Variants in ADAMTSL1 observed in about 807,000 individuals in gnomAD.
ADAMTSL1 encodes the protein ADAMTS like 1.
Under a neutral mutation model 201.8 loss-of-function variants are expected in ADAMTSL1, and 126 were observed. The observed-to-expected ratio is 0.62, with a 90% CI of 0.54 to 0.72. The LOEUF (loss-of-function observed/expected upper bound fraction) is 0.72, where lower values mean the gene tolerates loss of function less well. Ranked by LOEUF, ADAMTSL1 falls within the 30% of genes least tolerant of loss-of-function variation. ADAMTSL1 has a pLI of 0.00. For synonymous variants in ADAMTSL1, 1,121 were observed against 903.4 expected (o/e 1.24, Z -4.32); for missense variants, 2,679 against 2,277.8 (o/e 1.18, Z -3.59).
intron 1 of ADAMTSL1, among the ~76,000 whole-genome samples, chr9:18,075,696 G>C (rs1472746674): frequency 1.3e-5 from 2 of 152,298 alleles, no homozygotes; most frequent in East Asian, 3.9e-4. Context: ...GGGAAAGAAA[G>C]TAACATCCTT....
intron 1 of ADAMTSL1, among the ~76,000 whole-genome samples, chr9:17,999,742 T>C (rs1819537145): frequency 6.7e-6 from 1 of 150,328 alleles, no homozygotes; most frequent in Non-Finnish European, 1.5e-5. Flanking sequence ...CTCCCAATGC[T>C]ATCCCTCCCC....
chr9:18,544,231 T>C (rs1407309169), intron 3 of ADAMTSL1, among the ~76,000 whole-genome samples: 1 of 152,196 alleles, frequency 6.6e-6, no homozygotes, highest in Non-Finnish European at 1.5e-5. Context: ...CACATTGCCT[T>C]GGTAAAAGCT....
chr9:18,391,815 C>A (rs926601901), intron 2 of ADAMTSL1, among the ~76,000 whole-genome samples: 1 of 129,204 alleles, frequency 7.7e-6, no homozygotes, highest in Non-Finnish European at 1.6e-5. Context: ...TTTTTTCTTT[C>A]TTTTCTTTCT....
intron 1 of ADAMTSL1, among the ~76,000 whole-genome samples, chr9:18,010,857 T>C (rs1017680137): frequency 6.6e-6 from 1 of 152,070 alleles, no homozygotes; most frequent in Non-Finnish European, 1.5e-5. Context: ...GTTTTGCCTA[T>C]GAATTTTATG....
intron 2 of ADAMTSL1, among the ~76,000 whole-genome samples, chr9:18,444,883 T>C (rs776516995): frequency 6.6e-5 from 10 of 152,178 alleles, no homozygotes; most frequent in Non-Finnish European, 1.5e-4. Flanking sequence ...GCTAACACTG[T>C]TGAGCACTTA....
chr9:18,007,027 A>G (rs1819856516), intron 1 of ADAMTSL1, among the ~76,000 whole-genome samples: 1 of 152,036 alleles, frequency 6.6e-6, no homozygotes, highest in Admixed American at 6.6e-5. Context: ...AGAAATAAAA[A>G]CAGAGAAATT....
chr9:18,757,325 C>T (rs1292068426), intron 16 of ADAMTSL1, among the ~76,000 whole-genome samples: 1 of 152,158 alleles, frequency 6.6e-6, no homozygotes, highest in African/African-American at 2.4e-5. Flanking sequence ...TCCTCCTCCT[C>T]TTTGGTGTTG....
At chr9:18,774,653 T>C (rs2133740311) in intron 17 of ADAMTSL1, among the ~76,000 whole-genome samples, 1 of 152,298 alleles carries the variant, frequency 6.6e-6, no homozygotes, top group East Asian at 1.9e-4. Flanking sequence ...ATAATTTATA[T>C]ATTATAAAAT....
chr9:18,089,307 C>G (rs1049428125), intron 1 of ADAMTSL1, among the ~76,000 whole-genome samples: 4 of 152,130 alleles, frequency 2.6e-5, no homozygotes, highest in African/African-American at 9.7e-5. Flanking sequence ...GAGCTCATGT[C>G]CTTTGCAGGA....
chr9:18,474,044 G>A (rs1387851821), upstream of ADAMTSL1: 8 of 544,160 alleles, frequency 1.5e-5, no homozygotes, highest in East Asian at 2.1e-4. Context: ...CCTGCTCCGA[G>A]AGAGATTCCA....
intron 2 of ADAMTSL1, among the ~76,000 whole-genome samples, chr9:18,292,717 G>A (rs190335839): frequency 2.0e-5 from 3 of 152,104 alleles, no homozygotes; most frequent in African/African-American, 7.2e-5. Flanking sequence ...TTGGTCTGTT[G>A]GACTTAAACC....
chr9:18,163,775 T>A (rs1425940552), intron 1 of ADAMTSL1: 1 of 139,170 alleles, frequency 7.2e-6, no homozygotes, highest in Non-Finnish European at 1.5e-5. Flanking sequence ...TTGAAATGAA[T>A]CCAAGAGCTT....
intron 1 of ADAMTSL1, among the ~76,000 whole-genome samples, chr9:18,100,024 C>G (rs1365779301): frequency 6.6e-6 from 1 of 151,996 alleles, no homozygotes; most frequent in Non-Finnish European, 1.5e-5. Flanking sequence ...TAATTTTTTT[C>G]TAAGTGCAGT....
chr9:18,819,204 A>C (rs1215065308), intron 21 of ADAMTSL1, among the ~76,000 whole-genome samples: 4 of 152,058 alleles, frequency 2.6e-5, no homozygotes, highest in African/African-American at 7.2e-5. Context: ...ACCTGTAATC[A>C]CAGCACTTTG....
chr9:17,915,609 G>A (rs935873510), intron 1 of ADAMTSL1, among the ~76,000 whole-genome samples: 2 of 152,224 alleles, frequency 1.3e-5, no homozygotes, highest in Admixed American at 6.5e-5. Flanking sequence ...TAATATAGTA[G>A]GTGTACATTT....
intron 1 of ADAMTSL1, among the ~76,000 whole-genome samples, chr9:17,959,694 G>T (rs879415657): frequency 1.3e-5 from 2 of 152,136 alleles, no homozygotes; most frequent in East Asian, 3.9e-4. Context: ...GACCTCAAGT[G>T]ATCCACCCAC....
rs934286626 is a variant in ADAMTSL1, at chr9:18,154,487, A to G, written c.88-9375A>G. Among the ~76,000 whole-genome samples the G allele has an allele frequency of 3.3e-5, 5 of 152,010 alleles. No individual in the cohort carries two copies. In the South Asian group the frequency reaches 6.2e-4, roughly 19 times the overall value. Reference sequence around the variant, plus strand: ...GAGTCTGTGTGAACAGTTTTAGGACATTTCCTATTCCACCCAGCCTCTCCA... The same window carrying G: ...GAGTCTGTGTGAACAGTTTTAGGACGTTTCCTATTCCACCCAGCCTCTCCA... On this transcript the variant is annotated intron_variant, in intron 1 of 29. Coordinates refer to the ADAMTSL1 transcript ENST00000680146.
intron 1 of ADAMTSL1, among the ~76,000 whole-genome samples, chr9:18,133,582 G>A (rs1368560392): frequency 6.6e-6 from 1 of 152,148 alleles, no homozygotes; most frequent in East Asian, 1.9e-4. Context: ...TGTTCAGGCT[G>A]TATACCACGA....
chr9:18,103,744 C>T (rs1824634307), intron 1 of ADAMTSL1, among the ~76,000 whole-genome samples: 1 of 152,158 alleles, frequency 6.6e-6, no homozygotes, highest in Non-Finnish European at 1.5e-5. Flanking sequence ...ATCTTTCAAC[C>T]TATATTCCAT....
Sources: allele counts gnomAD v4.1 joint callset (sites outside exome capture counted in the v4.1 genomes callset), GRCh38; gene constraint gnomAD v4.1.1; transcripts MANE v1.5; gene names NCBI Gene and HGNC (gene_info 2026-07-23, HGNC 2026-07-21).